Variants in EIF4E2 observed in about 807,000 individuals in gnomAD.
EIF4E2 encodes eukaryotic translation initiation factor 4E family member 2, also known as eukaryotic translation initiation factor 4E type 2.
A neutral mutation model predicts 34.2 loss-of-function variants in EIF4E2; 13 were observed. The ratio of observed to expected loss-of-function variants is 0.38; its 90% confidence interval spans 0.25 to 0.60. The LOEUF (loss-of-function observed/expected upper bound fraction) is 0.60. EIF4E2 is among the 20% of genes least tolerant of loss of function. The pLI, the probability that EIF4E2 is intolerant of heterozygous loss-of-function variation, is 0.62. For synonymous variants in EIF4E2, 100 were observed against 106.6 expected (o/e 0.94, Z 0.38); for missense variants, 222 against 315.1 (o/e 0.70, Z 2.24).
At chr2:232,552,799 G>GA (rs5839438) in intron 1 of EIF4E2, among the ~76,000 whole-genome samples, 110,692 of 150,810 alleles carry the variant, frequency 0.73, 40,879 homozygotes, top group Middle Eastern at 0.83. Context: ...AGCATTGCAG[G>GA]AAAAAAAAAG....
intron 1 of EIF4E2, 85 bp from the exon 2 acceptor site, chr2:232,556,331 A>T: frequency 9.4e-7 from 1 of 1,062,628 alleles, no homozygotes; most frequent in Non-Finnish European, 1.4e-6. Flanking sequence ...TTGGTTACAT[A>T]GTAGTTCGTA....
At position 232,569,168 on chromosome 2, in the gene EIF4E2, C is replaced by T. The variant is rs973353308; in HGVS notation, c.*151C>T. On this transcript the variant is annotated 3_prime_UTR_variant, in exon 7 of 7. Transcript: ENST00000258416. ...TTAAGAACAGGCTGACACGCAGCAGCTACAACAACAGCTGAGATCACTTAA... is the reference window on the plus strand; with the variant it reads ...TTAAGAACAGGCTGACACGCAGCAGTTACAACAACAGCTGAGATCACTTAA... 5.5e-6 allele frequency: 8 copies of T among 1,456,992 alleles called. No individual in the cohort carries two copies. In the African/African-American group the frequency reaches 8.5e-5, roughly 16 times the overall value. The allele number at this position is 1,456,992 out of a possible 1,614,324, so 90.3% of individuals were successfully genotyped here. A position where few individuals can be genotyped will look rare whatever the true frequency, so the allele number is the denominator to read the frequency against.
At chr2:232,570,166 G>T (rs1287637857), downstream of EIF4E2, among the ~76,000 whole-genome samples, 1 of 152,164 alleles carries the variant, frequency 6.6e-6, no homozygotes, top group African/African-American at 2.4e-5. Context: ...CCCTGTGCTT[G>T]TACCATCCTG....
intron 2 of EIF4E2, 182 bp from the exon 3 acceptor site, chr2:232,557,702 G>A: frequency 1.5e-6 from 1 of 680,426 alleles, no homozygotes; most frequent in South Asian, 2.0e-5. Flanking sequence ...CAGGAATTTA[G>A]AATCAGTTAA....
downstream of EIF4E2, chr2:232,573,917 A>G: frequency 2.2e-6 from 1 of 448,702 alleles, no homozygotes; most frequent in Non-Finnish European, 4.3e-6. Context: ...AGGGAGTGCC[A>G]CTGTAAATTG....
chr2:232,570,313 A>G (rs1693060963), downstream of EIF4E2, among the ~76,000 whole-genome samples: 1 of 152,256 alleles, frequency 6.6e-6, no homozygotes, highest in African/African-American at 2.4e-5. Flanking sequence ...TGAAGTACCT[A>G]TAAAATGAGA....
intron 1 of EIF4E2, among the ~76,000 whole-genome samples, chr2:232,554,132 A>G (rs1428710319): frequency 1.3e-5 from 2 of 152,206 alleles, no homozygotes; most frequent in East Asian, 3.9e-4. Flanking sequence ...TAGCTGGAAC[A>G]AGTACAAACA....
rs1693369663 is a variant in EIF4E2 at position 232,581,974 on chromosome 2, T to C, written c.*1031T>C. 6.6e-6 allele frequency: 1 copy of C among 152,278 alleles called. No individual in the cohort carries two copies. 9.4% of individuals were successfully genotyped at this position (152,278 alleles called of 1,614,324 possible). A position where few individuals can be genotyped will look rare whatever the true frequency, so the allele number is the denominator to read the frequency against. On this transcript the variant is annotated 3_prime_UTR_variant, in exon 7 of 7. Coordinates refer to the EIF4E2 transcript ENST00000409098. This position sits in a 1 kb window ranked among gnomAD's most constrained non-coding sequence, Gnocchi z 5.2. ...GCTCTGCCTGTCTGCAGTGGTTGAG[T>C]CCTCATCACCTGGTATGTGTATGAG...
intron 6 of EIF4E2, among the ~76,000 whole-genome samples, chr2:232,578,643 T>A (rs373685757): frequency 4.2e-4 from 63 of 151,298 alleles, no homozygotes; most frequent in African/African-American, 1.5e-3. Flanking sequence ...AAAATCTGAA[T>A]GAGAAAGTGT....
intron 6 of EIF4E2, among the ~76,000 whole-genome samples, chr2:232,580,343 A>AGG (rs577654726): frequency 6.6e-6 from 1 of 152,088 alleles, no homozygotes; most frequent in Non-Finnish European, 1.5e-5. Flanking sequence ...ATAAAAAGAA[A>AGG]GGGGGGGAGA....
intron 1 of EIF4E2, chr2:232,551,054 G>A (rs1330288820): frequency 1.6e-6 from 1 of 620,224 alleles, no homozygotes; most frequent in Non-Finnish European, 3.0e-6. Context: ...CTGCGACGTG[G>A]AGGGGTGGGG....
At chr2:232,568,180 CATGTTGTT>C in intron 6 of EIF4E2, 1 of 985,246 alleles carries the variant, frequency 1.0e-6, no homozygotes, top group South Asian at 4.7e-5. Flanking sequence ...AGAATATCAT[CATGTTGTT>C]ATTATTGAAG....
At chr2:232,564,894 A>G (rs780214308) in intron 4 of EIF4E2, among the ~76,000 whole-genome samples, 3 of 152,260 alleles carry the variant, frequency 2.0e-5, no homozygotes, top group South Asian at 2.1e-4. Flanking sequence ...TTTTATGACT[A>G]AAATGGTATT....
At chr2:232,574,772 C>T (rs2106255059) in intron 6 of EIF4E2, among the ~76,000 whole-genome samples, 1 of 152,258 alleles carries the variant, frequency 6.6e-6, no homozygotes, top group East Asian at 1.9e-4. Context: ...TGTCATGTGT[C>T]AGTTGTGAGG....
intron 3 of EIF4E2, among the ~76,000 whole-genome samples, chr2:232,562,332 A>G (rs1692753694): frequency 6.6e-6 from 1 of 152,038 alleles, no homozygotes; most frequent in Admixed American, 6.6e-5. Context: ...TGTAATCACA[A>G]CACTTTGGAA....
rs1226305868 is a variant in EIF4E2 at position 232,550,691 on chromosome 2, T to C, written c.-34T>C. 1.3e-6 allele frequency: 2 copies of C among 1,580,766 alleles called. No homozygotes were observed. The highest frequency in any genetic ancestry group is 1.7e-6 in the Non-Finnish European group (2 of 1,165,042). On this transcript the variant is annotated 5_prime_UTR_variant, in exon 1 of 7. Transcript: ENST00000258416. Reference sequence around the variant, plus strand: ...AGGGACCCGGTGGAGCGGAAGTCACTCCCTGAGGCAGTGGCGACAGCGGCG... The same window carrying C: ...AGGGACCCGGTGGAGCGGAAGTCACCCCCTGAGGCAGTGGCGACAGCGGCG...
Position 232,557,887 on chromosome 2 carries a change from G to A in EIF4E2, c.139G>A (p.Val47Ile). 6.2e-7 allele frequency: 1 copy of A among 1,613,212 alleles called. No individual in the cohort carries two copies. The highest frequency in any genetic ancestry group is 8.5e-7 in the Non-Finnish European group (1 of 1,179,818). ...ACACACCTTCTTTACTTCCCAGGCT[G>A]TTGTCCCTGGACCGGCAGAGCATCC... ...KNQSSSKRKAVVPGPAEHPLQ... is the reference protein window; with the variant it reads ...KNQSSSKRKAIVPGPAEHPLQ... Residue 47 changes from valine (V) to isoleucine (I), a missense_variant, in exon 3 of 7, where the codon GTT (valine) becomes ATT (isoleucine). Physicochemically the swap from Val to Ile is conservative, Grantham distance 29 (BLOSUM62 3). Transcript: ENST00000258416.
exon 7 of EIF4E2, chr2:232,583,430 C>CGTGTGTGTGTGTGT (rs3085875): frequency 8.2e-5 from 9 of 110,014 alleles, no homozygotes; most frequent in African/African-American, 2.5e-4. Context: ...TCCTTCTGTT[C>CGTGTGTGTGTGTGT]GTGTGTGTGT....
chr2:232,576,355 A>AGCG (rs922166622), intron 6 of EIF4E2, among the ~76,000 whole-genome samples: 4 of 152,240 alleles, frequency 2.6e-5, no homozygotes, highest in Non-Finnish European at 5.9e-5. Flanking sequence ...TTAAAATGAA[A>AGCG]GCGGAATAGT....
Sources: gnomAD v4.1 joint callset for allele counts (sites outside exome capture counted in the v4.1 genomes callset) on GRCh38, gnomAD v4.1.1 for gene constraint, Gnocchi (gnomAD v3.1) non-coding constraint, MANE v1.5 for transcripts, NCBI Gene and HGNC (gene_info 2026-07-23, HGNC 2026-07-21) for gene names.